Variants in NRG1 observed in about 807,000 individuals in gnomAD.
The protein encoded by NRG1 is neuregulin 1.
Under a neutral mutation model 63.8 loss-of-function variants are expected in NRG1, and 18 were observed. The ratio of observed to expected loss-of-function variants is 0.28; its 90% CI spans 0.19 to 0.42. The LOEUF (loss-of-function observed/expected upper bound fraction) is 0.42. Ranked by LOEUF, NRG1 falls within the 10% of genes least tolerant of loss-of-function variation. The pLI, the probability that NRG1 is intolerant of heterozygous loss-of-function variation, is 1.00. For synonymous variants in NRG1, 302 were observed against 301.3 expected (o/e 1.00, Z -0.02); for missense variants, 762 against 814.7 (o/e 0.94, Z 0.79).
At chr8:32,735,809 CAAG>C (rs1441125768) in intron 6 of NRG1, among the ~76,000 whole-genome samples, 6 of 152,168 alleles carry the variant, frequency 3.9e-5, no homozygotes, top group African/African-American at 1.4e-4. Flanking sequence ...AAGGTTCAAA[CAAG>C]AAGTTAATTC....
intron 1 of NRG1, among the ~76,000 whole-genome samples, chr8:31,778,801 G>A (rs368785673): frequency 2.0e-5 from 3 of 152,182 alleles, no homozygotes; most frequent in African/African-American, 4.8e-5. Flanking sequence ...ATGTGCAGAA[G>A]GCCTTGTTTC....
chr8:31,996,263 G>A (rs568857553), intron 1 of NRG1, among the ~76,000 whole-genome samples: 132 of 151,742 alleles, frequency 8.7e-4, no homozygotes, highest in Non-Finnish European at 1.5e-3. Context: ...TCTTTATATT[G>A]GCACTCCAAT....
At chr8:31,930,568 A>G (rs1305999286) in intron 1 of NRG1, among the ~76,000 whole-genome samples, 1 of 152,208 alleles carries the variant, frequency 6.6e-6, no homozygotes, top group Non-Finnish European at 1.5e-5. Context: ...ACAAATGGCT[A>G]GCTCTTCTCA....
intron 1 of NRG1, among the ~76,000 whole-genome samples, chr8:32,298,486 C>T (rs533510517): frequency 4.6e-4 from 70 of 152,228 alleles, no homozygotes; most frequent in African/African-American, 1.6e-3. Context: ...GAGGCTGAGG[C>T]AGGCAGATCA....
intron 1 of NRG1, among the ~76,000 whole-genome samples, chr8:32,289,310 G>C (rs1321555568): frequency 6.6e-6 from 1 of 152,054 alleles, no homozygotes; most frequent in Non-Finnish European, 1.5e-5. Flanking sequence ...ACCTATTGCT[G>C]TCCTACAGAG....
intron 1 of NRG1, among the ~76,000 whole-genome samples, chr8:32,340,129 G>A (rs1329578749): frequency 6.6e-6 from 1 of 152,152 alleles, no homozygotes; most frequent in Non-Finnish European, 1.5e-5. Context: ...ACAATGTCAA[G>A]AGATTAATTG....
intron 1 of NRG1, among the ~76,000 whole-genome samples, chr8:32,110,623 G>A (rs1394154761): frequency 1.3e-5 from 2 of 152,096 alleles, no homozygotes; most frequent in African/African-American, 4.8e-5. Context: ...TTGAAGCTCT[G>A]TTACAATAGA....
At chr8:32,027,071 T>C (rs1311855176) in intron 1 of NRG1, among the ~76,000 whole-genome samples, 2 of 152,128 alleles carry the variant, frequency 1.3e-5, no homozygotes, top group Non-Finnish European at 2.9e-5. Context: ...ATCATCTAAT[T>C]CTGTTATTCT....
At chr8:31,769,937 C>T (rs1000452806) in intron 1 of NRG1, among the ~76,000 whole-genome samples, 3 of 152,148 alleles carry the variant, frequency 2.0e-5, no homozygotes, top group African/African-American at 4.8e-5. Flanking sequence ...CCAGGGTCAG[C>T]AAGGCTCCAG....
intron 1 of NRG1, among the ~76,000 whole-genome samples, chr8:32,477,596 C>G (rs1824692288): frequency 1.3e-5 from 2 of 152,100 alleles, no homozygotes; most frequent in African/African-American, 4.8e-5. Flanking sequence ...TTTAAAAATA[C>G]CTTTGGCATA....
chr8:31,784,412 A>G (rs1319259006), intron 1 of NRG1, among the ~76,000 whole-genome samples: 1 of 152,162 alleles, frequency 6.6e-6, no homozygotes, highest in East Asian at 1.9e-4. Context: ...TTGGTGTGCA[A>G]AAATACCCTA....
At chr8:32,746,562 T>C (rs1827471632) in intron 7 of NRG1, among the ~76,000 whole-genome samples, 1 of 152,144 alleles carries the variant, frequency 6.6e-6, no homozygotes, top group African/African-American at 2.4e-5. Context: ...CTCAAGCAAT[T>C]ATAAAATCCT....
At chr8:32,043,327 A>G (rs143798819) in intron 1 of NRG1, among the ~76,000 whole-genome samples, 9 of 152,194 alleles carry the variant, frequency 5.9e-5, no homozygotes, top group African/African-American at 7.2e-5. Flanking sequence ...TCAAGTAAAA[A>G]TATTATATCC....
At chr8:32,390,134 TG>T (rs1182027758) in intron 1 of NRG1, among the ~76,000 whole-genome samples, 1 of 152,146 alleles carries the variant, frequency 6.6e-6, no homozygotes, top group African/African-American at 2.4e-5. Flanking sequence ...CCATTCTCTA[TG>T]CCTGGGCTAC....
At chr8:32,237,841 A>G (rs1320001589) in intron 1 of NRG1, among the ~76,000 whole-genome samples, 1 of 152,074 alleles carries the variant, frequency 6.6e-6, no homozygotes. Context: ...AATTTTTCAG[A>G]ATCAATGACT....
chr8:32,091,539 G>A (rs1829156785), intron 1 of NRG1, among the ~76,000 whole-genome samples: 1 of 152,168 alleles, frequency 6.6e-6, no homozygotes, highest in African/African-American at 2.4e-5. Flanking sequence ...TTAATTGGTA[G>A]CCACACATGC....
intron 1 of NRG1, among the ~76,000 whole-genome samples, chr8:32,229,700 C>T (rs1846705236): frequency 6.6e-6 from 1 of 152,112 alleles, no homozygotes; most frequent in African/African-American, 2.4e-5. Context: ...TTCTTAAGAT[C>T]CTAAAAGCAC....
chr8:31,750,180 A>C (rs1816306248), intron 1 of NRG1, among the ~76,000 whole-genome samples: 1 of 151,912 alleles, frequency 6.6e-6, no homozygotes. Flanking sequence ...AAAAGAAAAA[A>C]GAATGTAATT....
intron 1 of NRG1, among the ~76,000 whole-genome samples, chr8:32,542,205 G>C (rs991487444): frequency 1.3e-5 from 2 of 152,034 alleles, no homozygotes; most frequent in African/African-American, 4.8e-5. Flanking sequence ...ATGCTTCTTC[G>C]CATTTTATCA....
Sources: allele counts gnomAD v4.1 joint callset (sites outside exome capture counted in the v4.1 genomes callset), GRCh38; gene constraint gnomAD v4.1.1; transcripts MANE v1.5; gene names NCBI Gene and HGNC (gene_info 2026-07-23, HGNC 2026-07-21).